MCCC1: variants seen among roughly 807,000 people sequenced by gnomAD.
The protein encoded by MCCC1 is methylcrotonoyl-CoA carboxylase subunit alpha, mitochondrial.
In MCCC1, 64 loss-of-function variants were observed where a neutral mutation model predicts 83.8. That is an observed-to-expected ratio of 0.76 (90% CI 0.62 to 0.94). The LOEUF is 0.94. Among genes scored for constraint, MCCC1 ranks in the 40% least tolerant of loss-of-function variants. The pLI is 0.00. For synonymous variants in MCCC1, 322 were observed against 315.4 expected (o/e 1.02, Z -0.22); for missense variants, 807 against 904.7 (o/e 0.89, Z 1.39).
At chr3:183,091,773 T>C (rs555852165) in intron 3 of MCCC1, among the ~76,000 whole-genome samples, 1 of 152,166 alleles carries the variant, frequency 6.6e-6, no homozygotes, top group African/African-American at 2.4e-5. Flanking sequence ...CTAGGCACGG[T>C]GGCTCACGCC....
intron 1 of MCCC1, among the ~76,000 whole-genome samples, chr3:183,107,607 A>G (rs1433299877): frequency 6.6e-6 from 1 of 151,224 alleles, no homozygotes; most frequent in Non-Finnish European, 1.5e-5. Flanking sequence ...CAGTGGTGTA[A>G]TCTTGGCTTA....
At chr3:183,084,154 T>C (rs1255349404) in intron 4 of MCCC1, among the ~76,000 whole-genome samples, 1 of 152,206 alleles carries the variant, frequency 6.6e-6, no homozygotes, top group African/African-American at 2.4e-5. Flanking sequence ...GCCTCAGCCT[T>C]CTGAGTAGCT....
rs566920795 is a variant in MCCC1, at chr3:183,047,457, C to T, written c.956-1917G>A. Among the ~76,000 whole-genome samples the T allele has an allele frequency of 2.1e-4, 32 of 152,122 alleles. 1 individual carries two copies. The highest frequency in any genetic ancestry group is 2.0e-4 in the Admixed American group (3 of 15,276). ...TTTCAACAAAAAATTACAAGGCATA[C>T]TAAAAGGCAAAAAACACAGTTTGAA... is the stretch of plus-strand genomic sequence containing the variant. On this transcript the variant is annotated intron_variant, in intron 9 of 18. Coordinates refer to ENST00000265594, the MANE Select transcript of MCCC1 (RefSeq NM_020166.5).
chr3:183,016,884 G>A (rs375709984), intron 18 of MCCC1, among the ~76,000 whole-genome samples: 9 of 152,076 alleles, frequency 5.9e-5, no homozygotes, highest in African/African-American at 1.2e-4. Context: ...TCCTTGGTTC[G>A]GCCTTAGAAC....
chr3:183,057,383 A>G lies in MCCC1; in HGVS notation c.801T>C (p.Asn267=). 1 of 1,610,428 alleles carries G rather than the reference A, an allele frequency of 6.2e-7. No homozygotes were observed. Among genetic ancestry groups the G allele is most frequent in the South Asian group, 1.1e-5 (1 of 90,224 alleles). The part of the protein sequence containing the change: ...EVQVFGDHHG[N]AVYLFERDCS... ...AGTCTCTTTCAAACAAGTACACAGC[A>G]TTGCCATGGTGATCACCAAACACCT... Residue 267 remains asparagine (N), a synonymous_variant, in exon 8 of 19, where the codon AAT becomes AAC. Transcript: ENST00000265594.
chr3:183,099,548 G>A (rs931133419), upstream of MCCC1: 50 of 1,324,014 alleles, frequency 3.8e-5, no homozygotes, highest in South Asian at 1.5e-4. Flanking sequence ...GCCGGCCACC[G>A]TCGGAGCCTG....
intron 4 of MCCC1, among the ~76,000 whole-genome samples, chr3:183,079,902 G>A (rs1049860769): frequency 6.6e-6 from 1 of 152,184 alleles, no homozygotes; most frequent in Admixed American, 6.5e-5. Flanking sequence ...AGCTGCCAAG[G>A]CTTGGGGCTT....
intron 10 of MCCC1, among the ~76,000 whole-genome samples, chr3:183,044,642 G>A (rs569420032): frequency 6.6e-6 from 1 of 152,150 alleles, no homozygotes; most frequent in East Asian, 1.9e-4. Flanking sequence ...AGAATGCTGT[G>A]GCCTTAGGTA....
upstream of MCCC1, among the ~76,000 whole-genome samples, chr3:183,102,750 CAG>C (rs1289094172): frequency 9.0e-6 from 1 of 111,328 alleles, no homozygotes; most frequent in African/African-American, 3.3e-5. Context: ...GGTCTTAGAG[CAG>C]AGAAAGTTTT....
chr3:183,045,619 C>G, intron 9 of MCCC1, 79 bp from the exon 10 acceptor site: 1 of 1,452,586 alleles, frequency 6.9e-7, no homozygotes, highest in East Asian at 2.3e-5. Context: ...TGCATCACAT[C>G]AAGTTTTACC....
At chr3:183,103,398 T>G (rs1719351211), upstream of MCCC1, among the ~76,000 whole-genome samples, 1 of 152,156 alleles carries the variant, frequency 6.6e-6, no homozygotes, top group African/African-American at 2.4e-5. Context: ...GGGCACTGAT[T>G]GGTGCGTTTA....
intron 1 of MCCC1, 90 bp from the exon 2 acceptor site, chr3:183,094,695 A>G: frequency 7.6e-7 from 1 of 1,323,688 alleles, no homozygotes; most frequent in Non-Finnish European, 1.1e-6. Context: ...TAAAACATGA[A>G]ACCTTAAGCC....
intron 14 of MCCC1, among the ~76,000 whole-genome samples, chr3:183,030,409 T>C (rs986522926): frequency 1.8e-4 from 28 of 152,324 alleles, no homozygotes; most frequent in African/African-American, 6.7e-4. Context: ...TCTCCTTCAC[T>C]ACGCTGCTGG....
intron 1 of MCCC1, among the ~76,000 whole-genome samples, chr3:183,105,854 C>T (rs1320605482): frequency 6.6e-6 from 1 of 152,084 alleles, no homozygotes; most frequent in Non-Finnish European, 1.5e-5. Flanking sequence ...TTTTGGGAGG[C>T]TGAGGCAGGT....
chr3:183,069,320 G>T (rs1010267969), intron 7 of MCCC1, among the ~76,000 whole-genome samples: 1 of 152,176 alleles, frequency 6.6e-6, no homozygotes, highest in Non-Finnish European at 1.5e-5. Flanking sequence ...CTGCAGGCAT[G>T]GAGTTACATA....
At chr3:183,107,142 C>T (rs865784442) in intron 1 of MCCC1, among the ~76,000 whole-genome samples, 7 of 152,050 alleles carry the variant, frequency 4.6e-5, no homozygotes, top group African/African-American at 1.2e-4. Context: ...CAGTGGCTCA[C>T]GCCTGTAATC....
At chr3:183,097,909 T>A (rs1718858330) in intron 1 of MCCC1, among the ~76,000 whole-genome samples, 1 of 152,056 alleles carries the variant, frequency 6.6e-6, no homozygotes. Context: ...CCAACTTTTT[T>A]TTTTATTTTT....
chr3:183,096,598 A>T (rs1718755369), intron 1 of MCCC1, among the ~76,000 whole-genome samples: 1 of 152,048 alleles, frequency 6.6e-6, no homozygotes, highest in African/African-American at 2.4e-5. Flanking sequence ...GAGATGCAGT[A>T]GACATCTACA....
At chr3:183,085,871 C>T (rs183804628) in intron 4 of MCCC1, among the ~76,000 whole-genome samples, 6 of 152,162 alleles carry the variant, frequency 3.9e-5, no homozygotes, top group South Asian at 2.1e-4. Context: ...TCCTCACCGC[C>T]GGGAAGCGGC....
Sources: allele counts gnomAD v4.1 joint callset (sites outside exome capture counted in the v4.1 genomes callset), GRCh38; gene constraint gnomAD v4.1.1; transcripts MANE v1.5; gene names NCBI Gene and HGNC (gene_info 2026-07-23, HGNC 2026-07-21).